Variants in OR1B1 observed in about 807,000 individuals in gnomAD.
The protein encoded by OR1B1 is olfactory receptor 1B1.
For missense variants in OR1B1, 414 were observed against 402.1 expected (o/e 1.03, Z -0.25); for synonymous variants, 168 against 156.2 (o/e 1.08, Z -0.57).
chr9:122,638,497 C>T, the OR1B1 span, among the ~76,000 whole-genome samples: 1 of 152,040 alleles, frequency 6.6e-6, no homozygotes, highest in African/African-American at 2.4e-5. Flanking sequence ...ACCTTTCTAA[C>T]TCAAAATAAT....
chr9:122,646,456 C>T, the OR1B1 span, among the ~76,000 whole-genome samples: 2 of 151,434 alleles, frequency 1.3e-5, no homozygotes, highest in Admixed American at 1.3e-4. Flanking sequence ...ATAAGAAGTA[C>T]ACTTCACCTA....
At chr9:122,655,063 A>G in the OR1B1 span, among the ~76,000 whole-genome samples, 1 of 152,326 alleles carries the variant, frequency 6.6e-6, no homozygotes, top group Non-Finnish European at 1.5e-5. Flanking sequence ...CACAATTATT[A>G]TTTGTCAACT....
chr9:122,650,751 C>T, the OR1B1 span, among the ~76,000 whole-genome samples: 7 of 152,024 alleles, frequency 4.6e-5, no homozygotes, highest in Non-Finnish European at 7.4e-5. Context: ...CAGCCGGGCG[C>T]GGTGGCTCAC....
chr9:122,645,179 A>G, the OR1B1 span, among the ~76,000 whole-genome samples: 1 of 152,198 alleles, frequency 6.6e-6, no homozygotes, highest in Non-Finnish European at 1.5e-5. Flanking sequence ...TAATAGCAGA[A>G]CTGATCAAGC....
At chr9:122,628,400 A>G (rs1283171340), downstream of OR1B1, among the ~76,000 whole-genome samples, 2 of 152,158 alleles carry the variant, frequency 1.3e-5, no homozygotes, top group Non-Finnish European at 2.9e-5. Context: ...CCCTGATCTT[A>G]TGTGTCTATG....
At chr9:122,655,256 A>G in the OR1B1 span, among the ~76,000 whole-genome samples, 1 of 152,122 alleles carries the variant, frequency 6.6e-6, no homozygotes, top group Non-Finnish European at 1.5e-5. Context: ...ACCTTTAACT[A>G]ATTTGGGAGT....
upstream of OR1B1, among the ~76,000 whole-genome samples, chr9:122,632,381 G>T (rs1830211456): frequency 6.6e-6 from 1 of 152,076 alleles, no homozygotes; most frequent in Admixed American, 6.6e-5. Flanking sequence ...TCAATGGATG[G>T]GTTAGACAGT....
At chr9:122,636,542 G>A in the OR1B1 span, among the ~76,000 whole-genome samples, 1 of 152,194 alleles carries the variant, frequency 6.6e-6, no homozygotes, top group Non-Finnish European at 1.5e-5. Flanking sequence ...CTTGAACCCA[G>A]AAGGCAGAGG....
exon 1 of OR1B1, chr9:122,628,886 C>G: frequency 6.2e-7 from 1 of 1,614,088 alleles, no homozygotes; most frequent in Non-Finnish European, 8.5e-7. Context: ...AATGAGGGCA[C>G]AGGGGCCCAG....
At chr9:122,643,854 T>C in the OR1B1 span, among the ~76,000 whole-genome samples, 1 of 152,182 alleles carries the variant, frequency 6.6e-6, no homozygotes, top group East Asian at 1.9e-4. Context: ...TGACATATCC[T>C]TGGCCAAAAG....
chr9:122,650,361 CA>C, the OR1B1 span, among the ~76,000 whole-genome samples: 3,733 of 151,872 alleles, frequency 0.025, 143 homozygotes, highest in East Asian at 0.18. Context: ...AACAAACCTG[CA>C]ATGCCTGCAC....
chr9:122,635,236 G>A, the OR1B1 span, among the ~76,000 whole-genome samples: 1,496 of 152,226 alleles, frequency 9.8e-3, 24 homozygotes, highest in African/African-American at 0.033. Flanking sequence ...GAACCTGGAG[G>A]ATATTATGTT....
chr9:122,651,531 CT>C, the OR1B1 span, among the ~76,000 whole-genome samples: 3 of 151,990 alleles, frequency 2.0e-5, no homozygotes, highest in Admixed American at 1.3e-4. Flanking sequence ...ATGACATCCA[CT>C]TTTTTTTAGG....
chr9:122,635,741 AG>A, the OR1B1 span, among the ~76,000 whole-genome samples: 1 of 152,242 alleles, frequency 6.6e-6, no homozygotes, highest in African/African-American at 2.4e-5. Flanking sequence ...GACTTAATGA[AG>A]GAAATGAATC....
chr9:122,634,218 A>G (rs1587982021), upstream of OR1B1, among the ~76,000 whole-genome samples: 1 of 151,540 alleles, frequency 6.6e-6, no homozygotes, highest in Non-Finnish European at 1.5e-5. Context: ...TACCTGTAAT[A>G]CCAGCTACTC....
At chr9:122,635,423 G>A in the OR1B1 span, among the ~76,000 whole-genome samples, 1 of 152,280 alleles carries the variant, frequency 6.6e-6, no homozygotes, top group Middle Eastern at 3.4e-3. Context: ...AGTTTTGTAG[G>A]ATGGATGTCT....
the OR1B1 span, among the ~76,000 whole-genome samples, chr9:122,642,622 C>T: frequency 6.6e-6 from 1 of 152,180 alleles, no homozygotes; most frequent in East Asian, 1.9e-4. Context: ...CGAGTCTCTG[C>T]CAATGTCTCC....
chr9:122,643,118 TG>T, the OR1B1 span, among the ~76,000 whole-genome samples: 1 of 152,172 alleles, frequency 6.6e-6, no homozygotes, highest in Admixed American at 6.5e-5. Context: ...TTTTAACATC[TG>T]CACAGAGAAA....
At chr9:122,649,732 T>A in the OR1B1 span, among the ~76,000 whole-genome samples, 1 of 152,104 alleles carries the variant, frequency 6.6e-6, no homozygotes, top group African/African-American at 2.4e-5. Context: ...TGGCAATCAT[T>A]AAAAAGTCGG....
Sources: gnomAD v4.1 joint callset for allele counts (sites outside exome capture counted in the v4.1 genomes callset) on GRCh38, gnomAD v4.1.1 for gene constraint, MANE v1.5 for transcripts, NCBI Gene and HGNC (gene_info 2026-07-23, HGNC 2026-07-21) for gene names.